Variants in CAMK1D observed in about 807,000 individuals in gnomAD.
The protein encoded by CAMK1D is calcium/calmodulin dependent protein kinase ID, also known as calcium/calmodulin-dependent protein kinase type 1D.
A neutral mutation model predicts 47.7 loss-of-function variants in CAMK1D; 9 were observed. The ratio of observed to expected loss-of-function variants is 0.19; its 90% CI spans 0.11 to 0.33. The LOEUF (loss-of-function observed/expected upper bound fraction) is 0.33. CAMK1D is among the 10% of genes least tolerant of loss of function. The probability of loss-of-function intolerance (pLI) is 1.00; values close to 1 mark genes in which losing one functional copy is unlikely to be tolerated. For missense variants in CAMK1D, 291 were observed against 488.7 expected, an observed-to-expected ratio of 0.60 and a Z score of 3.81; for synonymous variants, 184 against 184.9, an observed-to-expected ratio of 0.99 and a Z score of 0.04.
chr10:12,647,100 C>CA (rs1423361385), intron 2 of CAMK1D, among the ~76,000 whole-genome samples: 1 of 146,840 alleles, frequency 6.8e-6, no homozygotes, highest in East Asian at 2.0e-4. Context: ...CTCAGCCTCC[C>CA]AAAGTGCTGG....
chr10:12,598,740 G>C (rs1265015416), intron 2 of CAMK1D, among the ~76,000 whole-genome samples: 1 of 152,208 alleles, frequency 6.6e-6, no homozygotes, highest in Non-Finnish European at 1.5e-5. Flanking sequence ...GGTCCATTGA[G>C]CTTGTGTAGC....
chr10:12,538,038 G>A (rs528428436), intron 1 of CAMK1D, among the ~76,000 whole-genome samples: 1 of 152,266 alleles, frequency 6.6e-6, no homozygotes, highest in South Asian at 2.1e-4. Context: ...ACAATGACAC[G>A]ACTTGTGTTC....
chr10:12,468,529 G>T (rs1237984421), intron 1 of CAMK1D, among the ~76,000 whole-genome samples: 1 of 152,220 alleles, frequency 6.6e-6, no homozygotes. Context: ...GAATGATTGG[G>T]GGTGTCCCTA....
intron 1 of CAMK1D, among the ~76,000 whole-genome samples, chr10:12,387,465 A>ATATATATATATATATG (rs71384319): frequency 7.9e-6 from 1 of 126,498 alleles, no homozygotes; most frequent in Non-Finnish European, 1.6e-5. Context: ...ATATATATAT[A>ATATATATATATATATG]GACATTGTAA....
intron 1 of CAMK1D, among the ~76,000 whole-genome samples, chr10:12,547,682 T>TCTCACACACACACACACACACACA (rs10643491): frequency 3.0e-4 from 35 of 116,562 alleles, no homozygotes; most frequent in African/African-American, 1.3e-3. Context: ...TTTCTCTCTC[T>TCTCACACACACACACACACACACA]CACACACACA....
chr10:12,690,961 T>G (rs1220208751), intron 3 of CAMK1D, among the ~76,000 whole-genome samples: 1 of 152,160 alleles, frequency 6.6e-6, no homozygotes. Flanking sequence ...TCATCTGTCA[T>G]TTTAGCCACA....
intron 1 of CAMK1D, among the ~76,000 whole-genome samples, chr10:12,548,351 C>T (rs1017558679): frequency 4.6e-5 from 7 of 151,928 alleles, no homozygotes; most frequent in Admixed American, 3.9e-4. Context: ...ATATGTCCAT[C>T]CTCAGGCAAC....
intron 1 of CAMK1D, among the ~76,000 whole-genome samples, chr10:12,424,777 C>G (rs905983219): frequency 3.9e-5 from 6 of 152,148 alleles, no homozygotes; most frequent in African/African-American, 1.4e-4. Context: ...CCATTGCACT[C>G]CAGCCTGGGC....
chr10:12,659,944 C>T lies in CAMK1D; in HGVS notation c.225-6792C>T, dbSNP rs555256492. Among the ~76,000 whole-genome samples, 649 of 152,298 alleles carry T rather than the reference C, an allele frequency of 4.3e-3. 6 individuals are homozygous for T. The highest frequency in any genetic ancestry group is 0.015 in the African/African-American group (617 of 41,566). ...GATTGCGGCTCGTTGACGTAACTTT[C>T]TCCTTGCACATTGCAGGGCAATCTG... On this transcript the variant is annotated intron_variant, in intron 2 of 10. Transcript: ENST00000619168.
rs1838514445 is a variant in CAMK1D at position 12,608,032 on chromosome 10, A to G, written c.224+54676A>G. ...AAACAGGAGCTCAAATCCAGAGGGT[A>G]CTTACTATTTTTATATTTTTGGGAA... On this transcript the variant is annotated intron_variant, in intron 2 of 10. Transcript: ENST00000619168. 2.0e-5 allele frequency among the ~76,000 whole-genome samples: 3 copies of G among 152,324 alleles called. No individual in the cohort carries two copies. In the South Asian group the frequency reaches 6.2e-4, roughly 32 times the overall value.
intron 3 of CAMK1D, among the ~76,000 whole-genome samples, chr10:12,738,470 T>TATG (rs1346935017): frequency 1.3e-5 from 2 of 152,200 alleles, no homozygotes; most frequent in African/African-American, 2.4e-5. Context: ...CAAAGATATT[T>TATG]ATGCCAACTT....
chr10:12,632,595 T>C (rs1839411099), intron 2 of CAMK1D, among the ~76,000 whole-genome samples: 1 of 152,236 alleles, frequency 6.6e-6, no homozygotes, highest in South Asian at 2.1e-4. Flanking sequence ...GTCAGGTGTA[T>C]TTATTTCTGT....
At chr10:12,495,033 C>A (rs1438253207) in intron 1 of CAMK1D, among the ~76,000 whole-genome samples, 1 of 152,172 alleles carries the variant, frequency 6.6e-6, no homozygotes, top group Admixed American at 6.5e-5. Flanking sequence ...GGAAAACCTT[C>A]TTATTGAGAA....
intron 2 of CAMK1D, among the ~76,000 whole-genome samples, chr10:12,596,118 G>A (rs933543368): frequency 2.0e-5 from 3 of 152,100 alleles, no homozygotes; most frequent in African/African-American, 4.8e-5. Flanking sequence ...GACCCAAGAA[G>A]GGAAAGCAGG....
intron 2 of CAMK1D, among the ~76,000 whole-genome samples, chr10:12,612,865 C>T (rs937191336): frequency 6.6e-6 from 1 of 152,098 alleles, no homozygotes; most frequent in African/African-American, 2.4e-5. Context: ...TAAAATCCCT[C>T]AAATTGATGT....
intron 1 of CAMK1D, among the ~76,000 whole-genome samples, chr10:12,495,148 G>A (rs771951195): frequency 3.9e-5 from 6 of 152,324 alleles, no homozygotes; most frequent in Admixed American, 6.5e-5. Flanking sequence ...GTTATTCCAG[G>A]TGAATTCTGA....
intron 1 of CAMK1D, among the ~76,000 whole-genome samples, chr10:12,440,994 T>C (rs185186777): frequency 6.6e-6 from 1 of 152,382 alleles, no homozygotes; most frequent in Admixed American, 6.5e-5. Context: ...CTCATTCCAG[T>C]GGGGTTGTGC....
chr10:12,409,610 T>C (rs1311080558), intron 1 of CAMK1D, among the ~76,000 whole-genome samples: 1 of 152,248 alleles, frequency 6.6e-6, no homozygotes, highest in East Asian at 1.9e-4. Flanking sequence ...AATAGCTTTA[T>C]TGATGTATAA....
intron 5 of CAMK1D, among the ~76,000 whole-genome samples, chr10:12,778,986 A>C (rs569001579): frequency 6.6e-6 from 1 of 152,224 alleles, no homozygotes; most frequent in Non-Finnish European, 1.5e-5. Flanking sequence ...AAGGAGAGTC[A>C]CAGGTGCAGA....
Sources: gnomAD v4.1 joint callset for allele counts (sites outside exome capture counted in the v4.1 genomes callset) on GRCh38, gnomAD v4.1.1 for gene constraint, MANE v1.5 for transcripts, NCBI Gene and HGNC (gene_info 2026-07-23, HGNC 2026-07-21) for gene names.